The following MINK1 variants were observed in gnomAD, a reference collection of about 807,000 sequenced individuals.
The protein encoded by MINK1 is misshapen like kinase 1.
Under a neutral mutation model 178.4 loss-of-function variants are expected in MINK1, and 46 were observed. The ratio of observed to expected loss-of-function variants is 0.26; its 90% CI spans 0.20 to 0.33. MINK1 has a LOEUF of 0.33. Among genes scored for constraint, MINK1 ranks in the 10% least tolerant of loss-of-function variants. MINK1 has a pLI of 1.00. For synonymous variants in MINK1, 797 were observed against 709.7 expected, an observed-to-expected ratio of 1.12 and a Z score of -1.96; for missense variants, 1,366 against 1,814.9, an observed-to-expected ratio of 0.75 and a Z score of 4.49.
chr17:4,881,019 C>T lies in MINK1; in HGVS notation c.159C>T (p.Ile53=). 1 of 1,529,432 alleles carries T rather than the reference C, an allele frequency of 6.5e-7. No individual in the cohort carries two copies. The highest frequency in any genetic ancestry group is 8.8e-7 in the Non-Finnish European group (1 of 1,142,818). The allele number at this position is 1,529,432 out of a possible 1,614,324, so 94.7% of individuals were successfully genotyped here. The change falls in exon 3 of 32, where the codon ATC becomes ATT. Residue 53 remains isoleucine, a synonymous_variant. Coordinates refer to ENST00000355280, the MANE Select transcript of MINK1 (RefSeq NM_153827.5). ...TCAAGACGGGGCAGCTGGCTGCCATCAAGGTCATGGATGTCACGGAGGTAG... is the reference window on the plus strand; with the variant it reads ...TCAAGACGGGGCAGCTGGCTGCCATTAAGGTCATGGATGTCACGGAGGTAG... ...RHVKTGQLAA[I]KVMDVTEDEE...
chr17:4,860,779 G>A (rs752658088), intron 1 of MINK1: 7 of 519,968 alleles, frequency 1.3e-5, no homozygotes, highest in Admixed American at 3.9e-5. Context: ...TGGTGCAGGT[G>A]GAAGGACCAC....
At chr17:4,846,578 C>T (rs1295580371) in intron 1 of MINK1, among the ~76,000 whole-genome samples, 4 of 152,218 alleles carry the variant, frequency 2.6e-5, no homozygotes, top group African/African-American at 7.2e-5. Context: ...TGTTATCCTA[C>T]AGTCTGCCTG....
intron 1 of MINK1, among the ~76,000 whole-genome samples, chr17:4,866,778 AAAAC>A (rs1471351476): frequency 6.7e-6 from 1 of 148,524 alleles, no homozygotes; most frequent in East Asian, 2.0e-4. Context: ...TCTCAATTAA[AAAAC>A]AAAAAACTCG....
chr17:4,854,649 CATAA>C (rs1912732726), intron 1 of MINK1: 1 of 438,980 alleles, frequency 2.3e-6, no homozygotes, highest in African/African-American at 2.0e-5. Flanking sequence ...CCTCCCATCA[CATAA>C]ATATTTTTCC....
In MINK1 at chr17:4,892,415, T is replaced by C; in HGVS notation, c.2101T>C (p.Ser701Pro). The change falls in exon 18 of 32, where the codon TCC (serine) becomes CCC (proline). Residue 701 changes from serine (S) to proline (P), a missense_variant. This residue lies in a region of MINK1 where 709 missense variants were observed against 692.3 expected (regional missense o/e 1.02). Coordinates refer to ENST00000355280, the MANE Select transcript of MINK1 (RefSeq NM_153827.5). The stretch of plus-strand genomic sequence containing the variant: ...CTCCCTTCACAGACCTCGCAGCAAC[T>C]CCGCCTGGCAAATCTATCTGCAAAG... The part of the protein sequence containing the change: ...QAVRARPRSN[S>P]AWQIYLQRRA... 7.0e-7 allele frequency: 1 copy of C among 1,433,124 alleles called. No individual in the cohort carries two copies. Among genetic ancestry groups the C allele is most frequent in the Non-Finnish European group, 9.2e-7 (1 of 1,081,664 alleles). The allele number at this position is 1,433,124 out of a possible 1,614,324, so 88.8% of individuals were successfully genotyped here.
At position 4,862,214 on chromosome 17, in the gene MINK1, C is replaced by T. The variant is rs529058404; in HGVS notation, c.58-16103C>T. ...GGAGAGATGCAGCAGAGACTCGAGC[C>T]GGCTACATGCATTCAAACCCTGGCT... On this transcript the variant is annotated intron_variant, in intron 1 of 31. Transcript: ENST00000355280. Among the ~76,000 whole-genome samples the T allele has an allele frequency of 6.8e-4, 103 of 152,266 alleles. 1 individual carries two copies. The highest frequency in any genetic ancestry group is 2.9e-3 in the South Asian group (14 of 4,826).
chr17:4,890,506 C>A lies in MINK1; in HGVS notation c.1348-11C>A. ...CCCTGCTGAGCCCTCTCTCCCTACC[C>A]TTGGGCCCAGGAATACAAGCGGAAG... is the stretch of plus-strand genomic sequence containing the variant. On this transcript the variant is annotated splice_polypyrimidine_tract_variant and intron_variant, in intron 13 of 31. Transcript: ENST00000355280. 1 of 1,580,892 alleles carries A rather than the reference C, an allele frequency of 6.3e-7. No individual in the cohort carries two copies. Among genetic ancestry groups the A allele is most frequent in the East Asian group, 2.3e-5 (1 of 42,812 alleles).
chr17:4,860,494 C>T (rs1913994856), intron 1 of MINK1, among the ~76,000 whole-genome samples: 1 of 152,004 alleles, frequency 6.6e-6, no homozygotes, highest in Admixed American at 6.6e-5. Flanking sequence ...TAATCAAACC[C>T]TTTGTTTCTA....
Position 4,894,909 on chromosome 17 carries a change from C to T in MINK1, c.2918-166C>T, listed in dbSNP as rs1969289025. The T allele has an allele frequency of 3.8e-6, 3 of 781,644 alleles. No homozygotes were observed. The highest frequency in any genetic ancestry group is 3.5e-5 in the African/African-American group (2 of 57,238). The allele number at this position is 781,644 out of a possible 1,614,324, so 48.4% of individuals were successfully genotyped here. On this transcript the variant is annotated intron_variant, in intron 24 of 31. Coordinates refer to ENST00000355280, the MANE Select transcript of MINK1 (RefSeq NM_153827.5). This position sits in a 1 kb window ranked among gnomAD's most constrained non-coding sequence, Gnocchi z 4.1. ...GGACTTGAGCCAGACCTTTTGACTC[C>T]AAGTCCAGCACTCTATCCCCCTCTC...
At chr17:4,864,710 A>T (rs117690693) in intron 1 of MINK1, among the ~76,000 whole-genome samples, 36 of 152,224 alleles carry the variant, frequency 2.4e-4, no homozygotes, top group Non-Finnish European at 4.1e-4. Context: ...AGGCGACAAG[A>T]GTGAGACTCC....
intron 1 of MINK1, among the ~76,000 whole-genome samples, chr17:4,856,364 CT>C (rs1020413884): frequency 6.6e-6 from 1 of 152,056 alleles, no homozygotes; most frequent in African/African-American, 2.4e-5. Flanking sequence ...TCTTATCAGA[CT>C]TTTCCTGCCA....
chr17:4,893,087 G>C lies in MINK1; in HGVS notation c.2400+20G>C, dbSNP rs1213096407. The C allele has an allele frequency of 6.4e-6, 10 of 1,551,992 alleles. No individual in the cohort carries two copies. Among genetic ancestry groups the C allele is most frequent in the African/African-American group, 5.5e-5 (4 of 73,026 alleles). On this transcript the variant is annotated intron_variant, in intron 20 of 31. Coordinates refer to ENST00000355280, the MANE Select transcript of MINK1 (RefSeq NM_153827.5). ...CCCGCAGTGAGTCACCTGGTGGCAG[G>C]CATGGCCTGCCTCATCCTGGTTTGG...
Position 4,896,343 on chromosome 17 carries a change from G to T in MINK1, c.3615+1G>T. The T allele has an allele frequency of 1.3e-6, 2 of 1,599,782 alleles. No homozygotes were observed. Among genetic ancestry groups the T allele is most frequent in the Non-Finnish European group, 1.7e-6 (2 of 1,172,126 alleles). ...CTATGACATCTACATCCCTGTGCAC[G>T]TGAGCTTGGCGGGGCTGCTGGGGGA... On this transcript the variant is annotated splice_donor_variant, in intron 29 of 31. Transcript: ENST00000355280. LOFTEE classifies it high-confidence loss of function. This position sits in a 1 kb window ranked among gnomAD's most constrained non-coding sequence, Gnocchi z 4.6.
chr17:4,875,428 T>C, intron 1 of MINK1: 1 of 451,656 alleles, frequency 2.2e-6, no homozygotes, highest in South Asian at 1.6e-5. Context: ...TGAGCTGTGA[T>C]CATGCCACCG....
In MINK1 at chr17:4,896,195, C is replaced by T. The variant is rs1320861075; in HGVS notation, c.3468C>T (p.Ser1156=). 2 of 1,597,646 alleles carry T rather than the reference C, an allele frequency of 1.3e-6. No homozygotes were observed. Among genetic ancestry groups the T allele is most frequent in the Non-Finnish European group, 1.7e-6 (2 of 1,171,348 alleles). Residue 1156 remains serine, a splice_region_variant and synonymous_variant, in exon 29 of 32, where the codon TCC becomes TCT. Coordinates refer to ENST00000355280, the MANE Select transcript of MINK1 (RefSeq NM_153827.5). This position sits in a 1 kb window ranked among gnomAD's most constrained non-coding sequence, Gnocchi z 4.6. ...KPYHKFMAFK[S]FADLPHRPLL... ...TCCTCTCCTCCGGTTCTCTGCAGTCCTTTGCCGACCTCCCCCACCGCCCTC... is the reference window on the plus strand; with the variant it reads ...TCCTCTCCTCCGGTTCTCTGCAGTCTTTTGCCGACCTCCCCCACCGCCCTC...
chr17:4,866,083 TA>T (rs1206070973), intron 1 of MINK1, among the ~76,000 whole-genome samples: 2 of 152,200 alleles, frequency 1.3e-5, no homozygotes, highest in Admixed American at 1.3e-4. Flanking sequence ...TTCCCCAGCC[TA>T]GCACAGTTTC....
chr17:4,833,435 G>C lies in MINK1; in HGVS notation c.-149G>C, dbSNP rs990965009. The C allele has an allele frequency of 3.3e-6, 2 of 599,070 alleles. No homozygotes were observed. The highest frequency in any genetic ancestry group is 4.4e-4 in the Middle Eastern group (1 of 2,284). The allele number at this position is 599,070 out of a possible 1,614,324, so 37.1% of individuals were successfully genotyped here. A position where few individuals can be genotyped will look rare whatever the true frequency, so the allele number is the denominator to read the frequency against. On this transcript the variant is annotated 5_prime_UTR_variant, in exon 1 of 32. Transcript: ENST00000355280. The surrounding 1 kb of genome is among the most constrained non-coding windows in gnomAD (Gnocchi z 4.8). Reference sequence around the variant, plus strand: ...CCTGTCAGTCGGTGGGTCGGTCCTCGCGCCGGCCCTCCCCCTCCCCGGTCT... The same window carrying C: ...CCTGTCAGTCGGTGGGTCGGTCCTCCCGCCGGCCCTCCCCCTCCCCGGTCT...
intron 13 of MINK1, 41 bp from the exon 14 acceptor site, chr17:4,890,476 C>A: frequency 6.4e-7 from 1 of 1,551,182 alleles, no homozygotes. Context: ...ACTCCCAGGG[C>A]CACACCCTGC....
At position 4,894,351 on chromosome 17, in the gene MINK1, C is replaced by T. The variant is rs759907665; in HGVS notation, c.2808+40C>T. On this transcript the variant is annotated intron_variant, in intron 23 of 31. Coordinates refer to ENST00000355280, the MANE Select transcript of MINK1 (RefSeq NM_153827.5). This position sits in a 1 kb window ranked among gnomAD's most constrained non-coding sequence, Gnocchi z 4.1. Reference sequence around the variant, plus strand: ...GGCAGGTCCGCCGGGAGAGAAGAGCCCTGGCGATGGGCAGGAGGTCCCGGT... The same window carrying T: ...GGCAGGTCCGCCGGGAGAGAAGAGCTCTGGCGATGGGCAGGAGGTCCCGGT... The T allele has an allele frequency of 6.3e-7, 1 of 1,597,084 alleles. No individual in the cohort carries two copies. The highest frequency in any genetic ancestry group is 2.3e-5 in the East Asian group (1 of 44,290).
Sources: gnomAD v4.1 joint callset for allele counts (sites outside exome capture counted in the v4.1 genomes callset) on GRCh38, gnomAD v4.1.1 for gene constraint, gnomAD v4.1.1 regional missense constraint, Gnocchi (gnomAD v3.1) non-coding constraint, MANE v1.5 for transcripts, NCBI Gene and HGNC (gene_info 2026-07-23, HGNC 2026-07-21) for gene names.